The following TCERG1L variants were observed in gnomAD, a reference collection of about 807,000 sequenced individuals.
TCERG1L encodes transcription elongation regulator 1 like, also known as transcription elongation regulator 1-like protein.
Under a neutral mutation model 56.3 loss-of-function variants are expected in TCERG1L, and 37 were observed. The observed-to-expected ratio is 0.66, with a 90% CI of 0.51 to 0.87. TCERG1L has a LOEUF of 0.87. Ranked by LOEUF, TCERG1L falls within the 40% of genes least tolerant of loss-of-function variation. The pLI is 0.00. For synonymous variants in TCERG1L, 324 were observed against 326.3 expected, an observed-to-expected ratio of 0.99 and a Z score of 0.08; for missense variants, 799 against 774.2, an observed-to-expected ratio of 1.03 and a Z score of -0.38.
chr10:131,210,475 C>T (rs576659079), intron 4 of TCERG1L, among the ~76,000 whole-genome samples: 11 of 152,264 alleles, frequency 7.2e-5, no homozygotes, highest in East Asian at 1.9e-4. Context: ...TCCAAATGAC[C>T]GGCACTCCGT....
Position 131,285,522 on chromosome 10 carries a change from AAGAGAG to A in TCERG1L, c.670+22683_670+22688del, listed in dbSNP as rs201953189. Among the ~76,000 whole-genome samples the A allele has an allele frequency of 2.0e-3, 30 of 14,864 alleles. 1 individual carries two copies. The highest frequency in any genetic ancestry group is 0.015 in the East Asian group (6 of 410). The allele number at this position is 14,864 out of a possible 152,430, so 9.8% of individuals were successfully genotyped here. A position where few individuals can be genotyped will look rare whatever the true frequency, so the allele number is the denominator to read the frequency against. ...AAAGAAAGAAAGAAAGAAAGAAAGA[AAGAGAG>A]AAAGAAAAGAAAAGAAAGAAAGGAA... On this transcript the variant is annotated intron_variant, in intron 3 of 11. Transcript: ENST00000368642.
intron 9 of TCERG1L, among the ~76,000 whole-genome samples, chr10:131,104,918 C>T (rs1845336997): frequency 6.6e-6 from 1 of 152,238 alleles, no homozygotes. Flanking sequence ...AGGCTAGATT[C>T]GTCACCACTA....
At chr10:131,222,845 C>T (rs1240416644) in intron 4 of TCERG1L, among the ~76,000 whole-genome samples, 2 of 152,154 alleles carry the variant, frequency 1.3e-5, no homozygotes, top group Non-Finnish European at 2.9e-5. Context: ...GCTGGGGCCT[C>T]TCCCAGCCCC....
intron 4 of TCERG1L, among the ~76,000 whole-genome samples, chr10:131,188,664 T>C (rs1378360359): frequency 2.6e-5 from 4 of 152,172 alleles, no homozygotes; most frequent in Non-Finnish European, 5.9e-5. Flanking sequence ...GGGATATTTT[T>C]CGCATGTGTA....
chr10:131,170,340 C>T (rs1340208113), intron 4 of TCERG1L, among the ~76,000 whole-genome samples: 1 of 152,098 alleles, frequency 6.6e-6, no homozygotes, highest in Non-Finnish European at 1.5e-5. Flanking sequence ...ATAAACTCCT[C>T]CCTTGAGTGG....
intron 4 of TCERG1L, among the ~76,000 whole-genome samples, chr10:131,207,393 C>G (rs1845547855): frequency 2.0e-5 from 3 of 152,190 alleles, no homozygotes; most frequent in Admixed American, 2.0e-4. Flanking sequence ...GCCTGCAGGG[C>G]CGGCACTGCA....
chr10:131,109,601 C>T (rs770462721), intron 9 of TCERG1L, among the ~76,000 whole-genome samples: 18 of 152,160 alleles, frequency 1.2e-4, no homozygotes, highest in African/African-American at 2.4e-4. Context: ...GACCGTGTTG[C>T]GGGTCCCTCA....
chr10:131,174,438 G>A (rs1036380314), intron 4 of TCERG1L, among the ~76,000 whole-genome samples: 1 of 152,232 alleles, frequency 6.6e-6, no homozygotes, highest in South Asian at 2.1e-4. Context: ...TGTGCGGTTG[G>A]AGAGGGCTCA....
chr10:131,221,238 C>T (rs915984672), intron 4 of TCERG1L, among the ~76,000 whole-genome samples: 4 of 152,308 alleles, frequency 2.6e-5, no homozygotes, highest in Admixed American at 6.5e-5. Flanking sequence ...CCTGCTGCTG[C>T]GGGGTGGGAG....
chr10:131,184,533 A>G (rs1450682169), intron 4 of TCERG1L, among the ~76,000 whole-genome samples: 1 of 152,240 alleles, frequency 6.6e-6, no homozygotes, highest in Non-Finnish European at 1.5e-5. Context: ...GCTGGAACAA[A>G]GCCCTCCATA....
intron 4 of TCERG1L, among the ~76,000 whole-genome samples, chr10:131,173,472 T>C (rs2133442986): frequency 6.6e-6 from 1 of 152,320 alleles, no homozygotes; most frequent in East Asian, 1.9e-4. Flanking sequence ...GCCCGTTGTA[T>C]ATGGTCCTGA....
chr10:131,243,573 A>G (rs1845996530), intron 4 of TCERG1L, among the ~76,000 whole-genome samples: 1 of 152,198 alleles, frequency 6.6e-6, no homozygotes, highest in Admixed American at 6.5e-5. Context: ...CTCTGTCTCA[A>G]AAACGAACAA....
intron 3 of TCERG1L, among the ~76,000 whole-genome samples, chr10:131,272,278 T>C (rs1846347970): frequency 6.6e-6 from 1 of 152,254 alleles, no homozygotes; most frequent in Non-Finnish European, 1.5e-5. Flanking sequence ...TTTGCATATC[T>C]GACTGAGGCG....
intron 11 of TCERG1L, among the ~76,000 whole-genome samples, chr10:131,097,114 T>A (rs7902389): frequency 6.7e-6 from 1 of 148,858 alleles, no homozygotes; most frequent in Admixed American, 6.7e-5. Context: ...GCAGGGAGAA[T>A]TGCTTGAACC....
chr10:131,290,735 G>A (rs1183784010), intron 3 of TCERG1L, among the ~76,000 whole-genome samples: 1 of 151,868 alleles, frequency 6.6e-6, no homozygotes, highest in African/African-American at 2.4e-5. Context: ...ATGACTGAAG[G>A]CCATACATTT....
intron 4 of TCERG1L, among the ~76,000 whole-genome samples, chr10:131,215,640 G>C (rs532020548): frequency 9.2e-5 from 14 of 152,242 alleles, no homozygotes; most frequent in African/African-American, 3.4e-4. Flanking sequence ...CCAGCCCATG[G>C]GAGGGTGTTT....
intron 3 of TCERG1L, among the ~76,000 whole-genome samples, chr10:131,288,687 G>C (rs1205120555): frequency 6.6e-6 from 1 of 152,148 alleles, no homozygotes; most frequent in Admixed American, 6.5e-5. Flanking sequence ...GATGAGAGAG[G>C]GCCTTACATC....
intron 4 of TCERG1L, among the ~76,000 whole-genome samples, chr10:131,228,806 C>G (rs1163243453): frequency 1.0e-5 from 1 of 95,916 alleles, no homozygotes; most frequent in African/African-American, 4.9e-5. Flanking sequence ...CAGGCATTTC[C>G]TCAAGGCCTC....
chr10:131,192,826 A>G (rs1210310241), intron 4 of TCERG1L, among the ~76,000 whole-genome samples: 1 of 143,950 alleles, frequency 6.9e-6, no homozygotes, highest in Non-Finnish European at 1.5e-5. Flanking sequence ...GAAAGCATAC[A>G]GAGTGGCAAA....
Sources: gnomAD v4.1 joint callset for allele counts (sites outside exome capture counted in the v4.1 genomes callset) on GRCh38, gnomAD v4.1.1 for gene constraint, MANE v1.5 for transcripts, NCBI Gene and HGNC (gene_info 2026-07-23, HGNC 2026-07-21) for gene names.